The following DAG1 variants were observed in gnomAD, a reference collection of about 807,000 sequenced individuals.
DAG1 encodes the protein dystroglycan 1 (dystrophin-associated glycoprotein 1).
In DAG1, 8 loss-of-function variants were observed where a neutral mutation model predicts 46.1. The ratio of observed to expected loss-of-function variants is 0.17; its 90% CI spans 0.10 to 0.31. The LOEUF is 0.31. Among genes scored for constraint, DAG1 ranks in the 10% least tolerant of loss-of-function variants. The pLI is 1.00. For synonymous variants in DAG1, 495 were observed against 481.8 expected, an observed-to-expected ratio of 1.03 and a Z score of -0.36; for missense variants, 1,003 against 1,189.9, an observed-to-expected ratio of 0.84 and a Z score of 2.31.
chr3:49,477,996 G>C (rs1348161289), intron 1 of DAG1, among the ~76,000 whole-genome samples: 4 of 151,820 alleles, frequency 2.6e-5, no homozygotes, highest in Non-Finnish European at 4.4e-5. Context: ...ACTGGGCGTG[G>C]TGGCTCACAC....
At chr3:49,512,259 A>G (rs779277487) in intron 2 of DAG1, among the ~76,000 whole-genome samples, 21 of 151,918 alleles carry the variant, frequency 1.4e-4, no homozygotes, top group Non-Finnish European at 2.2e-4. Context: ...CTGGAGTGCA[A>G]TGGCACAATC....
intron 1 of DAG1, among the ~76,000 whole-genome samples, chr3:49,478,342 C>G (rs2049748764): frequency 6.8e-6 from 1 of 147,370 alleles, no homozygotes. Flanking sequence ...TGCCTGTAAT[C>G]CCAGCATTTT....
intron 1 of DAG1, among the ~76,000 whole-genome samples, chr3:49,496,965 C>T (rs1468541344): frequency 1.3e-5 from 2 of 151,378 alleles, no homozygotes; most frequent in Non-Finnish European, 2.9e-5. Flanking sequence ...ACTATGTTGT[C>T]CAGGCTTATA....
intron 1 of DAG1, among the ~76,000 whole-genome samples, chr3:49,498,696 T>TTTATTATTA (rs138073019): frequency 2.7e-5 from 4 of 149,462 alleles, no homozygotes; most frequent in Non-Finnish European, 5.9e-5. Context: ...TCCCATTTTC[T>TTTATTATTA]TTATTATTAT....
chr3:49,496,899 A>G (rs1010878162), intron 1 of DAG1, among the ~76,000 whole-genome samples: 1 of 151,782 alleles, frequency 6.6e-6, no homozygotes, highest in Non-Finnish European at 1.5e-5. Flanking sequence ...TGTTGGGATT[A>G]TAGGTGTGAG....
At position 49,533,126 on chromosome 3, in the gene DAG1, C is replaced by T; in HGVS notation, c.2615C>T (p.Pro872Leu). 6.2e-7 allele frequency: 1 copy of T among 1,614,202 alleles called. No homozygotes were observed. Among genetic ancestry groups the T allele is most frequent in the Non-Finnish European group, 8.5e-7 (1 of 1,180,054 alleles). Residue 872 changes from proline to leucine, a missense_variant, in exon 3 of 3, where the codon CCC (proline) becomes CTC (leucine). Around this residue, in one of 3 missense-constraint regions of DAG1, gnomAD observed 755 missense variants for 854.1 expected, o/e 0.88. Coordinates refer to ENST00000308775, the MANE Select transcript of DAG1 (RefSeq NM_004393.6). ...PYQPPPPFTA[P>L]MEGKGSRPKN... ...CAGCCCCCACCGCCCTTCACAGCAC[C>T]CATGGAGGGCAAGGGCTCCCGTCCC...
chr3:49,528,275 A>ATTTTTTTTTTTTTTTTTT lies in DAG1; in HGVS notation c.286-2512_286-2495dup, dbSNP rs147292984. 4.0e-3 allele frequency among the ~76,000 whole-genome samples: 269 copies of ATTTTTTTTTTTTTTTTTT among 66,624 alleles called. 50 individuals are homozygous for ATTTTTTTTTTTTTTTTTT. The highest frequency in any genetic ancestry group is 0.014 in the Middle Eastern group (1 of 72). 43.7% of individuals were successfully genotyped at this position (66,624 alleles called of 152,430 possible). Reference sequence around the variant, plus strand: ...CAGCCAAAACATTTGAAATAGTGTGATTTTTTTTTTTTTTTTTTTTTTTTT... The same window carrying ATTTTTTTTTTTTTTTTTT: ...CAGCCAAAACATTTGAAATAGTGTGATTTTTTTTTTTTTTTTTTTTTTTTTTTTTTTTTTTTTTTTTTT... On this transcript the variant is annotated intron_variant, in intron 2 of 2. Transcript: ENST00000308775.
In DAG1 at chr3:49,531,946, C is replaced by G. The variant is rs775163710; in HGVS notation, c.1435C>G (p.Arg479Gly). ...TRLETASPPT[R>G]IRTTTSGVPR... ...ATTGGAAACTGCCTCACCGCCTACT[C>G]GTATTCGCACCACCACCAGTGGAGT... is the stretch of plus-strand genomic sequence containing the variant. The change falls in exon 3 of 3, where the codon CGT becomes GGT. Residue 479 changes from arginine (R) to glycine (G), a missense_variant. Arg to Gly is a moderately radical substitution (Grantham distance 125). Transcript: ENST00000308775. This position sits in a 1 kb window ranked among gnomAD's most constrained non-coding sequence, Gnocchi z 7.0. 1 of 1,614,222 alleles carries G rather than the reference C, an allele frequency of 6.2e-7. No homozygotes were observed. Among genetic ancestry groups the G allele is most frequent in the African/African-American group, 1.3e-5 (1 of 75,048 alleles).
At chr3:49,514,102 G>A (rs961970071) in intron 2 of DAG1, among the ~76,000 whole-genome samples, 9 of 152,132 alleles carry the variant, frequency 5.9e-5, no homozygotes, top group African/African-American at 1.7e-4. Context: ...AGACCATTTA[G>A]TAGCTGATGA....
At chr3:49,475,092 G>A (rs141169958) in intron 1 of DAG1, among the ~76,000 whole-genome samples, 28 of 151,430 alleles carry the variant, frequency 1.8e-4, no homozygotes, top group African/African-American at 5.8e-4. Flanking sequence ...GATTACAGAC[G>A]TGAGCCACCG....
Position 49,532,903 on chromosome 3 carries a change from A to C in DAG1, c.2392A>C (p.Ile798Leu). The change falls in exon 3 of 3, where the codon ATC (isoleucine) becomes CTC (leucine). Residue 798 changes from isoleucine (I) to leucine (L), a missense_variant. Transcript: ENST00000308775. This position sits in a 1 kb window ranked among gnomAD's most constrained non-coding sequence, Gnocchi z 5.4. ...CACCTTCATCAAGAAGGGGGTGCCTATCATCTTTGCAGACGAACTGGACGA... is the reference window on the plus strand; with the variant it reads ...CACCTTCATCAAGAAGGGGGTGCCTCTCATCTTTGCAGACGAACTGGACGA... ...QATFIKKGVPIIFADELDDSK... is the reference protein window; with the variant it reads ...QATFIKKGVPLIFADELDDSK... The C allele has an allele frequency of 6.2e-7, 1 of 1,614,126 alleles. No individual in the cohort carries two copies.
At chr3:49,484,284 C>T (rs1306297022) in intron 1 of DAG1, among the ~76,000 whole-genome samples, 2 of 152,098 alleles carry the variant, frequency 1.3e-5, no homozygotes, top group Non-Finnish European at 2.9e-5. Flanking sequence ...TGACCAGATT[C>T]TTTCATGTAG....
chr3:49,529,077 C>G (rs2051271546), intron 2 of DAG1, among the ~76,000 whole-genome samples: 1 of 152,172 alleles, frequency 6.6e-6, no homozygotes. Context: ...TCTCGAACTC[C>G]TGACCTCAGG....
rs554506646 is a variant in DAG1 at position 49,484,878 on chromosome 3, C to T, written c.-117+14445C>T. On this transcript the variant is annotated intron_variant, in intron 1 of 2. Coordinates refer to ENST00000308775, the MANE Select transcript of DAG1 (RefSeq NM_004393.6). ...ATGGCACGATCTCTGCTCACTGCAACCTCCGCCTCCCAGGTTCAAGCAATT... is the reference window on the plus strand; with the variant it reads ...ATGGCACGATCTCTGCTCACTGCAATCTCCGCCTCCCAGGTTCAAGCAATT... 9.9e-5 allele frequency among the ~76,000 whole-genome samples: 15 copies of T among 152,036 alleles called. 1 individual carries two copies. In the East Asian group the frequency reaches 2.9e-3, roughly 29 times the overall value.
intron 1 of DAG1, among the ~76,000 whole-genome samples, chr3:49,493,660 G>A (rs946286804): frequency 1.3e-5 from 2 of 152,192 alleles, no homozygotes; most frequent in African/African-American, 4.8e-5. Context: ...ATATCTCCAG[G>A]TATGTGCTGT....
intron 1 of DAG1, among the ~76,000 whole-genome samples, chr3:49,478,431 C>CA (rs35324265): frequency 0.014 from 934 of 64,802 alleles, 89 homozygotes; most frequent in South Asian, 0.022. Flanking sequence ...CCTGTCTCTA[C>CA]AAAAAATAAA....
intron 1 of DAG1, among the ~76,000 whole-genome samples, chr3:49,498,822 C>T (rs367839180): frequency 2.4e-4 from 36 of 152,092 alleles, no homozygotes; most frequent in African/African-American, 8.4e-4. Flanking sequence ...AGTTCATTCA[C>T]CTCAGCCTCC....
At chr3:49,508,370 T>A (rs1321320377) in intron 1 of DAG1, among the ~76,000 whole-genome samples, 1 of 151,370 alleles carries the variant, frequency 6.6e-6, no homozygotes, top group Admixed American at 6.6e-5. Context: ...CCCGGCTAAT[T>A]TTTGTATTTG....
At chr3:49,479,691 G>A (rs1219919030) in intron 1 of DAG1, among the ~76,000 whole-genome samples, 1 of 133,592 alleles carries the variant, frequency 7.5e-6, no homozygotes, top group Non-Finnish European at 1.5e-5. Context: ...GGGCTGGAGT[G>A]CAGTGGCTCG....
Sources: allele counts gnomAD v4.1 joint callset (sites outside exome capture counted in the v4.1 genomes callset), GRCh38; gene constraint gnomAD v4.1.1; regional missense constraint gnomAD v4.1.1; non-coding constraint Gnocchi (gnomAD v3.1); transcripts MANE v1.5; gene names NCBI Gene and HGNC (gene_info 2026-07-23, HGNC 2026-07-21).